Variants in HNF4A observed in about 807,000 individuals in gnomAD.
The protein encoded by HNF4A is hepatocyte nuclear factor 4 alpha.
A neutral mutation model predicts 52.4 loss-of-function variants in HNF4A; 15 were observed. The ratio of observed to expected loss-of-function variants is 0.29; its 90% confidence interval spans 0.19 to 0.44. The LOEUF (loss-of-function observed/expected upper bound fraction) is 0.44, where lower values mean the gene tolerates loss of function less well. Among genes scored for constraint, HNF4A ranks in the 20% least tolerant of loss-of-function variants. HNF4A has a pLI of 1.00. For missense variants in HNF4A, 479 were observed against 647.2 expected, an observed-to-expected ratio of 0.74 and a Z score of 2.82; for synonymous variants, 280 against 264.4, an observed-to-expected ratio of 1.06 and a Z score of -0.57.
chr20:44,388,988 T>C (rs1486196395), intron 1 of HNF4A, among the ~76,000 whole-genome samples: 1 of 152,204 alleles, frequency 6.6e-6, no homozygotes, highest in Non-Finnish European at 1.5e-5. Context: ...CAGATCCAAG[T>C]TGCAAAACTG....
At chr20:44,414,729 C>T (rs1568731984) in intron 5 of HNF4A, 67 bp downstream of exon 5, 2 of 1,471,804 alleles carry the variant, frequency 1.4e-6, no homozygotes, top group Non-Finnish European at 1.9e-6. Flanking sequence ...GCTGCTGGCC[C>T]ACCTGGGATA....
At chr20:44,423,866 G>T (rs1274789361) in intron 7 of HNF4A, 152 bp from the exon 8 acceptor site, 4 of 699,278 alleles carry the variant, frequency 5.7e-6, no homozygotes, top group Non-Finnish European at 1.0e-5. Flanking sequence ...ATTCATGCTG[G>T]CGTACCCTGG....
At position 44,424,060 on chromosome 20, in the gene HNF4A, G is replaced by A. The variant is rs1191912908; in HGVS notation, c.935G>A (p.Arg312His). 2.5e-6 allele frequency: 4 copies of A among 1,613,278 alleles called. No homozygotes were observed. The highest frequency in any genetic ancestry group is 3.4e-6 in the Non-Finnish European group (4 of 1,179,998). ...GATCCAGGGAAGATCAAGCGGCTGC[G>A]TTCCCAGGTGCAGGTGAGCTTGGAG... The change falls in exon 8 of 10, where the codon CGT becomes CAT. Residue 312 changes from arginine (R) to histidine (H), a missense_variant. Transcript: ENST00000316099.
At chr20:44,410,428 C>T (rs1037191504) in intron 3 of HNF4A, among the ~76,000 whole-genome samples, 4 of 152,058 alleles carry the variant, frequency 2.6e-5, no homozygotes, top group African/African-American at 9.7e-5. Flanking sequence ...GTTCAGTTGC[C>T]ACTGTGGTCA....
chr20:44,371,043 G>A (rs1002441140), intron 1 of HNF4A, among the ~76,000 whole-genome samples: 4 of 152,196 alleles, frequency 2.6e-5, no homozygotes, highest in Non-Finnish European at 4.4e-5. Context: ...GAGAGCAGGC[G>A]GCCCTGCCCT....
At chr20:44,403,573 G>A (rs940229673) in intron 1 of HNF4A, among the ~76,000 whole-genome samples, 1 of 152,152 alleles carries the variant, frequency 6.6e-6, no homozygotes, top group African/African-American at 2.4e-5. Context: ...ATCCTGGGCT[G>A]GTGTCTGAAA....
intron 3 of HNF4A, among the ~76,000 whole-genome samples, chr20:44,411,020 G>T (rs1016977047): frequency 1.3e-5 from 2 of 152,174 alleles, no homozygotes; most frequent in Non-Finnish European, 2.9e-5. Flanking sequence ...GGGTCAGTGG[G>T]CCAACAGCAG....
rs971046736 is a variant in HNF4A at position 44,422,602 on chromosome 20, AT to A, written c.893-1407del. On this transcript the variant is annotated intron_variant, in intron 7 of 9. Transcript: ENST00000316099. ...CTAAGGATCTAGAATTTATTCACTG[AT>A]TTTTTTTTCATTCATTCATCCAGCC... is the stretch of plus-strand genomic sequence containing the variant. Among the ~76,000 whole-genome samples, 446 of 150,182 alleles carry A rather than the reference AT, an allele frequency of 3.0e-3. 4 individuals carry two copies. Among genetic ancestry groups the A allele is most frequent in the African/African-American group, 0.011 (431 of 40,940 alleles).
chr20:44,407,870 T>C (rs2063525306), intron 3 of HNF4A, among the ~76,000 whole-genome samples: 1 of 152,060 alleles, frequency 6.6e-6, no homozygotes, highest in Non-Finnish European at 1.5e-5. Context: ...ATCCCAACTT[T>C]ACAAAAGGGA....
intron 9 of HNF4A, 124 bp from the exon 10 acceptor site, chr20:44,429,399 A>G (rs1335416114): frequency 2.0e-6 from 2 of 1,010,562 alleles, no homozygotes; most frequent in Non-Finnish European, 3.0e-6. Context: ...CTCTCATTTT[A>G]TAGAGGAAGA....
At chr20:44,395,890 T>C (rs1463886748) in intron 1 of HNF4A, among the ~76,000 whole-genome samples, 1 of 151,978 alleles carries the variant, frequency 6.6e-6, no homozygotes, top group East Asian at 1.9e-4. Flanking sequence ...GAGATAATGG[T>C]GTGGTGAGCG....
rs191421231 is a variant in HNF4A at position 44,424,737 on chromosome 20, G to C, written c.1129+483G>C. ...TGTGCTAAGACCCTAACGGCTGAAA[G>C]GAAATGGAAGGCTTAAAAGACAAGA... On this transcript the variant is annotated intron_variant, in intron 8 of 9. Coordinates refer to ENST00000316099, the MANE Select transcript of HNF4A (RefSeq NM_000457.6). The C allele has an allele frequency of 7.3e-4, 334 of 454,770 alleles. 1 individual carries two copies. The highest frequency in any genetic ancestry group is 3.7e-4 in the Non-Finnish European group (106 of 285,594). The allele number at this position is 454,770 out of a possible 1,614,324, so 28.2% of individuals were successfully genotyped here. A position where few individuals can be genotyped will look rare whatever the true frequency, so the allele number is the denominator to read the frequency against.
chr20:44,376,161 A>T (rs1204345044), intron 1 of HNF4A, among the ~76,000 whole-genome samples: 1 of 152,190 alleles, frequency 6.6e-6, no homozygotes, highest in East Asian at 1.9e-4. Context: ...GCTACTCAGG[A>T]GGCTGAGGCA....
Position 44,404,518 on chromosome 20 carries a change from G to A in HNF4A, c.116-1540G>A, listed in dbSNP as rs545065796. Among the ~76,000 whole-genome samples, 594 of 152,006 alleles carry A rather than the reference G, an allele frequency of 3.9e-3. 6 individuals are homozygous for A. The highest frequency in any genetic ancestry group is 0.014 in the African/African-American group (568 of 41,452). On this transcript the variant is annotated intron_variant, in intron 1 of 9. Coordinates refer to ENST00000316099, the MANE Select transcript of HNF4A (RefSeq NM_000457.6). The stretch of plus-strand genomic sequence containing the variant: ...TATGTGTGTATGTTTGTGCATGTGA[G>A]CATGTGTGTGTGGACTGTGTGTATG...
chr20:44,395,877 T>C (rs1186004167), intron 1 of HNF4A, among the ~76,000 whole-genome samples: 1 of 152,126 alleles, frequency 6.6e-6, no homozygotes, highest in Non-Finnish European at 1.5e-5. Context: ...GAAGAAAAGA[T>C]AGGAGATAAT....
At chr20:44,372,688 C>A (rs1229167697) in intron 1 of HNF4A, 1 of 151,982 alleles carries the variant, frequency 6.6e-6, no homozygotes, top group East Asian at 1.9e-4. Flanking sequence ...TTCTCCAGGG[C>A]AAGTCATATA....
chr20:44,394,512 TC>T (rs890589435), intron 1 of HNF4A, among the ~76,000 whole-genome samples: 8 of 152,092 alleles, frequency 5.3e-5, no homozygotes, highest in African/African-American at 1.9e-4. Flanking sequence ...GCCCACATCC[TC>T]CTAAAGATTC....
At chr20:44,414,910 G>A (rs1311012066) in intron 5 of HNF4A, among the ~76,000 whole-genome samples, 1 of 152,168 alleles carries the variant, frequency 6.6e-6, no homozygotes, top group East Asian at 1.9e-4. Flanking sequence ...GAGGAGATTG[G>A]GGCACAGAGA....
chr20:44,390,826 G>A (rs2063294095), intron 1 of HNF4A: 1 of 611,488 alleles, frequency 1.6e-6, no homozygotes, highest in South Asian at 1.9e-5. Context: ...TGGCCCTGAT[G>A]GGTGAATGAC....
Sources: gnomAD v4.1 joint callset for allele counts (sites outside exome capture counted in the v4.1 genomes callset) on GRCh38, gnomAD v4.1.1 for gene constraint, MANE v1.5 for transcripts, NCBI Gene and HGNC (gene_info 2026-07-23, HGNC 2026-07-21) for gene names.